The following HTR1F variants were observed in gnomAD, a reference collection of about 807,000 sequenced individuals.
HTR1F encodes the protein 5-hydroxytryptamine (serotonin) receptor 1F, G protein-coupled.
HTR1F carries 17 observed loss-of-function variants against 24.0 expected under a neutral mutation model. The observed-to-expected ratio is 0.71, with a 90% CI of 0.48 to 1.06. The LOEUF (loss-of-function observed/expected upper bound fraction) is 1.06. HTR1F is among the 50% of genes least tolerant of loss of function. The pLI is 0.00. For synonymous variants in HTR1F, 186 were observed against 156.8 expected, an observed-to-expected ratio of 1.19 and a Z score of -1.39; for missense variants, 391 against 427.8, an observed-to-expected ratio of 0.91 and a Z score of 0.76.
intron 2 of HTR1F, among the ~76,000 whole-genome samples, chr3:87,827,736 G>T (rs1184891715): frequency 6.6e-6 from 1 of 152,176 alleles, no homozygotes; most frequent in African/African-American, 2.4e-5. Context: ...CTTTTATATT[G>T]CAAGTTGGTG....
chr3:87,874,947 T>A (rs1705636692), intron 2 of HTR1F, among the ~76,000 whole-genome samples: 1 of 152,046 alleles, frequency 6.6e-6, no homozygotes, highest in Non-Finnish European at 1.5e-5. Context: ...AAGAATGAGA[T>A]TAGATCCTTA....
At chr3:87,797,580 T>C (rs116211788) in intron 1 of HTR1F, among the ~76,000 whole-genome samples, 1,541 of 152,262 alleles carry the variant, frequency 0.01, 24 homozygotes, top group African/African-American at 0.034. Flanking sequence ...ACTCTGTTTT[T>C]ATATACTTTA....
chr3:87,797,061 T>C (rs2107055299), intron 1 of HTR1F, among the ~76,000 whole-genome samples: 1 of 152,306 alleles, frequency 6.6e-6, no homozygotes, highest in South Asian at 2.1e-4. Flanking sequence ...AAATGTTAAA[T>C]GGAAAATTTC....
At chr3:87,912,628 C>A (rs1703803437) in intron 2 of HTR1F, among the ~76,000 whole-genome samples, 1 of 104,376 alleles carries the variant, frequency 9.6e-6, no homozygotes. Context: ...CCAGGCAATC[C>A]TAGGCAAAAA....
chr3:87,831,006 T>A (rs1704562010), intron 2 of HTR1F, among the ~76,000 whole-genome samples: 1 of 152,214 alleles, frequency 6.6e-6, no homozygotes, highest in Non-Finnish European at 1.5e-5. Context: ...CTGTGTCCTA[T>A]TCAGTGCAAT....
intron 2 of HTR1F, among the ~76,000 whole-genome samples, chr3:87,865,009 T>C (rs148407078): frequency 8.4e-4 from 128 of 152,314 alleles, no homozygotes; most frequent in African/African-American, 3.0e-3. Context: ...TGTCTGCTTT[T>C]TGACACTGTC....
intron 2 of HTR1F, among the ~76,000 whole-genome samples, chr3:87,840,378 C>T (rs1000634973): frequency 9.2e-5 from 14 of 152,044 alleles, no homozygotes; most frequent in African/African-American, 3.4e-4. Context: ...TACGATGAGA[C>T]ATCACCTCAC....
intron 2 of HTR1F, among the ~76,000 whole-genome samples, chr3:87,950,374 A>G (rs140252840): frequency 6.6e-6 from 1 of 152,320 alleles, no homozygotes; most frequent in East Asian, 1.9e-4. Context: ...TTATTACATC[A>G]GTCTAATCCA....
At chr3:87,929,724 C>A (rs1704215572) in intron 2 of HTR1F, among the ~76,000 whole-genome samples, 1 of 152,150 alleles carries the variant, frequency 6.6e-6, no homozygotes, top group Non-Finnish European at 1.5e-5. Context: ...AGTTTGATAT[C>A]AGGTAACATC....
intron 2 of HTR1F, among the ~76,000 whole-genome samples, chr3:87,934,662 A>C (rs1406963236): frequency 6.6e-5 from 10 of 152,160 alleles, no homozygotes; most frequent in Non-Finnish European, 1.0e-4. Flanking sequence ...GATGACTTCA[A>C]CAATCACTTC....
chr3:87,900,067 C>A (rs1362219297), intron 2 of HTR1F, among the ~76,000 whole-genome samples: 2 of 152,072 alleles, frequency 1.3e-5, no homozygotes, highest in East Asian at 1.9e-4. Context: ...AGTAAGGAGG[C>A]ATGTGTGCAG....
At chr3:87,838,026 A>G (rs903036020) in intron 2 of HTR1F, among the ~76,000 whole-genome samples, 8 of 152,106 alleles carry the variant, frequency 5.3e-5, no homozygotes, top group African/African-American at 1.9e-4. Context: ...TTATGGAACA[A>G]TTTCTTTCAG....
intron 1 of HTR1F, among the ~76,000 whole-genome samples, chr3:87,803,070 T>C (rs1704019948): frequency 6.6e-6 from 1 of 152,132 alleles, no homozygotes; most frequent in Non-Finnish European, 1.5e-5. Flanking sequence ...ATTGTATGAT[T>C]TGGAGCCTTT....
chr3:87,986,061 A>G (rs1705655357), intron 2 of HTR1F, among the ~76,000 whole-genome samples: 1 of 152,188 alleles, frequency 6.6e-6, no homozygotes, highest in Non-Finnish European at 1.5e-5. Flanking sequence ...CCCAGTGAAG[A>G]CATTCAAATA....
intron 2 of HTR1F, among the ~76,000 whole-genome samples, chr3:87,831,995 T>C (rs1287221633): frequency 6.6e-6 from 1 of 152,176 alleles, no homozygotes; most frequent in East Asian, 1.9e-4. Context: ...TAGGTACTAG[T>C]GTCATCCCCA....
chr3:87,921,767 C>T (rs1210866712), intron 2 of HTR1F, among the ~76,000 whole-genome samples: 1 of 151,892 alleles, frequency 6.6e-6, no homozygotes, highest in Non-Finnish European at 1.5e-5. Context: ...ATTCGAATCT[C>T]TACTTCCATG....
At chr3:87,938,261 CT>C (rs1385630190) in intron 2 of HTR1F, among the ~76,000 whole-genome samples, 2 of 152,082 alleles carry the variant, frequency 1.3e-5, no homozygotes, top group Admixed American at 6.6e-5. Context: ...CTAAGTAGAA[CT>C]ACAAAACTGC....
intron 2 of HTR1F, among the ~76,000 whole-genome samples, chr3:87,901,710 A>T (rs1294571827): frequency 6.6e-6 from 1 of 151,944 alleles, no homozygotes; most frequent in Non-Finnish European, 1.5e-5. Flanking sequence ...CTCACCAAAA[A>T]TGAAAAAAAA....
chr3:87,827,466 G>A (rs1012997048), intron 2 of HTR1F, among the ~76,000 whole-genome samples: 4 of 151,900 alleles, frequency 2.6e-5, no homozygotes, highest in African/African-American at 9.7e-5. Context: ...TAATTTTTAT[G>A]CAAGCACTAT....
Sources: gnomAD v4.1 joint callset for allele counts (sites outside exome capture counted in the v4.1 genomes callset) on GRCh38, gnomAD v4.1.1 for gene constraint, MANE v1.5 for transcripts, NCBI Gene and HGNC (gene_info 2026-07-23, HGNC 2026-07-21) for gene names.